Variants in PRSS23 observed in about 807,000 individuals in gnomAD.
PRSS23 encodes protease, serine 23.
In PRSS23, 25 loss-of-function variants were observed where a neutral mutation model predicts 34.7. The observed-to-expected ratio is 0.72, with a 90% CI of 0.53 to 1.01. PRSS23 has a LOEUF of 1.01. Among genes scored for constraint, PRSS23 ranks in the 50% least tolerant of loss-of-function variants. PRSS23 has a pLI of 0.00. For synonymous variants in PRSS23, 176 were observed against 186.6 expected (o/e 0.94, Z 0.46); for missense variants, 445 against 475.6 (o/e 0.94, Z 0.60).
At chr11:86,796,469 G>A (rs1394859782), upstream of PRSS23, among the ~76,000 whole-genome samples, 1 of 151,320 alleles carries the variant, frequency 6.6e-6, no homozygotes, top group African/African-American at 2.4e-5. Flanking sequence ...GTGAAACCCC[G>A]TCTCTACTAA....
intron 2 of PRSS23, among the ~76,000 whole-genome samples, chr11:86,825,952 T>C (rs1054071253): frequency 2.0e-5 from 3 of 152,232 alleles, no homozygotes; most frequent in Non-Finnish European, 4.4e-5. Flanking sequence ...TAGGATTGAC[T>C]TGGCAATGCG....
At chr11:86,855,308 C>A (rs772921169) in intron 2 of PRSS23, among the ~76,000 whole-genome samples, 25 of 152,134 alleles carry the variant, frequency 1.6e-4, no homozygotes, top group Non-Finnish European at 3.1e-4. Flanking sequence ...TCTTTCCAAG[C>A]CATCTGGAAA....
intron 2 of PRSS23, among the ~76,000 whole-genome samples, chr11:86,851,434 G>C (rs554260476): frequency 2.3e-4 from 35 of 152,300 alleles, no homozygotes; most frequent in Non-Finnish European, 1.9e-4. Context: ...CACTGGTCTA[G>C]CTGTGGTCTA....
intron 2 of PRSS23, among the ~76,000 whole-genome samples, chr11:86,882,963 G>T (rs553222818): frequency 6.6e-6 from 1 of 152,224 alleles, no homozygotes; most frequent in African/African-American, 2.4e-5. Context: ...GTGATGTTCA[G>T]CTTTTTTTCA....
chr11:86,930,997 C>G (rs1470064778), intron 2 of PRSS23, among the ~76,000 whole-genome samples: 1 of 152,152 alleles, frequency 6.6e-6, no homozygotes, highest in African/African-American at 2.4e-5. Flanking sequence ...TGAAAAATGT[C>G]TGGACTTGCT....
intron 2 of PRSS23, among the ~76,000 whole-genome samples, chr11:86,827,020 GGAGGATTCCCT>G (rs1434329721): frequency 6.6e-6 from 1 of 152,116 alleles, no homozygotes; most frequent in Non-Finnish European, 1.5e-5. Flanking sequence ...AATGAGTTAG[GGAGGATTCCCT>G]CTTTTTCTAT....
downstream of PRSS23, among the ~76,000 whole-genome samples, chr11:86,814,607 C>T (rs1017178099): frequency 6.6e-6 from 1 of 152,162 alleles, no homozygotes; most frequent in Non-Finnish European, 1.5e-5. Flanking sequence ...TCTGTCTAGT[C>T]CTCCAAGCCT....
At chr11:86,905,897 G>A (rs1034455006) in intron 2 of PRSS23, among the ~76,000 whole-genome samples, 4 of 152,214 alleles carry the variant, frequency 2.6e-5, no homozygotes, top group Non-Finnish European at 5.9e-5. Flanking sequence ...CTGTACAGAT[G>A]TGAACAAATG....
intron 2 of PRSS23, among the ~76,000 whole-genome samples, chr11:86,834,697 A>C (rs928719585): frequency 4.6e-5 from 7 of 150,548 alleles, no homozygotes; most frequent in African/African-American, 1.5e-4. Flanking sequence ...CTGATGTTTG[A>C]TAGGTGTTCC....
chr11:86,947,133 G>A (rs1590940596), intron 2 of PRSS23: 1 of 155,914 alleles, frequency 6.4e-6, no homozygotes, highest in East Asian at 1.9e-4. Context: ...AACCCAGGAG[G>A]CAGAGGTTGC....
chr11:86,868,289 G>A (rs1480676704), intron 2 of PRSS23, among the ~76,000 whole-genome samples: 2 of 152,294 alleles, frequency 1.3e-5, no homozygotes, highest in South Asian at 2.1e-4. Context: ...TTCCTTGAGT[G>A]AGAAAGAGAA....
chr11:86,869,475 C>G (rs141747072), intron 2 of PRSS23, among the ~76,000 whole-genome samples: 13 of 152,004 alleles, frequency 8.6e-5, no homozygotes, highest in Non-Finnish European at 1.8e-4. Context: ...CAAGTTGCTC[C>G]GAGCCTAATG....
At position 86,802,950 on chromosome 11, in the gene PRSS23, G is replaced by A. The variant is rs1948057386; in HGVS notation, c.-14+2299G>A. ...TTTCAGACAGTGGCTCATATTGAGT[G>A]ATGGAGGGTGGACTGTGTAACCTAT... On this transcript the variant is annotated intron_variant, in intron 1 of 1. Coordinates refer to ENST00000280258, the MANE Select transcript of PRSS23 (RefSeq NM_007173.6). 2.6e-5 allele frequency among the ~76,000 whole-genome samples: 4 copies of A among 152,220 alleles called. 1 individual carries two copies. Among genetic ancestry groups the A allele is most frequent in the Admixed American group, 2.6e-4 (4 of 15,282 alleles).
intron 2 of PRSS23, among the ~76,000 whole-genome samples, chr11:86,825,059 T>A (rs1356772758): frequency 1.8e-4 from 27 of 152,072 alleles, no homozygotes; most frequent in Non-Finnish European, 2.9e-4. Context: ...CGCCACACTG[T>A]CTTCCACAAT....
exon 3 of PRSS23, chr11:86,952,799 C>T (rs1949306037): frequency 1.6e-5 from 3 of 190,896 alleles, no homozygotes; most frequent in South Asian, 1.3e-4. Flanking sequence ...TTTCAATCTC[C>T]TTCCATTTTA....
At chr11:86,922,907 C>T (rs1461630759) in intron 2 of PRSS23, among the ~76,000 whole-genome samples, 1 of 152,156 alleles carries the variant, frequency 6.6e-6, no homozygotes, top group Non-Finnish European at 1.5e-5. Flanking sequence ...GTCCTACCCT[C>T]ATATGACTAT....
At chr11:86,847,570 G>A (rs1219727078) in intron 2 of PRSS23, among the ~76,000 whole-genome samples, 1 of 151,956 alleles carries the variant, frequency 6.6e-6, no homozygotes. Context: ...ACTAACCAGG[G>A]GTGTGGGCAT....
chr11:86,801,014 A>G lies in PRSS23; in HGVS notation c.-14+363A>G, dbSNP rs541729762. Among the ~76,000 whole-genome samples the G allele has an allele frequency of 3.9e-5, 6 of 152,224 alleles. No homozygotes were observed. The South Asian group carries it at 1.0e-3, about 26-fold the overall frequency. On this transcript the variant is annotated intron_variant, in intron 1 of 1. Coordinates refer to ENST00000280258, the MANE Select transcript of PRSS23 (RefSeq NM_007173.6). The stretch of plus-strand genomic sequence containing the variant: ...GGCTACACCCCCATGCACCCCCCCA[A>G]CACACCACCACCACTACTTCTTTTC...
intron 1 of PRSS23, among the ~76,000 whole-genome samples, chr11:86,806,558 C>T (rs1555068744): frequency 6.6e-6 from 1 of 152,148 alleles, no homozygotes; most frequent in Non-Finnish European, 1.5e-5. Flanking sequence ...ATTTGGTCCT[C>T]TATATTGAGA....
Sources: allele counts gnomAD v4.1 joint callset (sites outside exome capture counted in the v4.1 genomes callset), GRCh38; gene constraint gnomAD v4.1.1; transcripts MANE v1.5; gene names NCBI Gene and HGNC (gene_info 2026-07-23, HGNC 2026-07-21).